Variants in WWOX observed in about 807,000 individuals in gnomAD.
The protein encoded by WWOX is WW domain containing oxidoreductase, also known as WW domain-containing oxidoreductase.
Under a neutral mutation model 46.2 loss-of-function variants are expected in WWOX, and 69 were observed. That is an observed-to-expected ratio of 1.49 (90% CI 1.23 to 1.82). The LOEUF (loss-of-function observed/expected upper bound fraction) is 1.82, where lower values mean the gene tolerates loss of function less well. WWOX is among the 40% of genes most tolerant of loss of function. The pLI, the probability that WWOX is intolerant of heterozygous loss-of-function variation, is 0.00. For missense variants in WWOX, 919 were observed against 542.6 expected (o/e 1.69, Z -6.89); for synonymous variants, 359 against 202.6 (o/e 1.77, Z -6.56).
chr16:78,864,924 G>T (rs1597078426), intron 8 of WWOX, among the ~76,000 whole-genome samples: 1 of 151,560 alleles, frequency 6.6e-6, no homozygotes, highest in African/African-American at 2.4e-5. Flanking sequence ...CACCACACCT[G>T]GCTAATTTTT....
intron 3 of WWOX, among the ~76,000 whole-genome samples, chr16:78,111,134 C>T (rs989537778): frequency 4.6e-5 from 7 of 152,004 alleles, no homozygotes; most frequent in African/African-American, 1.4e-4. Flanking sequence ...CCAGTGTGGT[C>T]TTCCTTCCCC....
intron 8 of WWOX, among the ~76,000 whole-genome samples, chr16:78,862,570 G>C (rs188935528): frequency 6.6e-6 from 1 of 152,082 alleles, no homozygotes; most frequent in East Asian, 1.9e-4. Flanking sequence ...TACAGAGACT[G>C]AGACATCGAA....
intron 8 of WWOX, among the ~76,000 whole-genome samples, chr16:78,527,991 C>CTTTTTTGTTTTTTTTTTTTT (rs2043519159): frequency 2.9e-5 from 1 of 34,880 alleles, no homozygotes; most frequent in Non-Finnish European, 5.3e-5. Flanking sequence ...GGTACATGTC[C>CTTTTTTGTTTTTTTTTTTTT]TTTTTTTTTT....
intron 8 of WWOX, among the ~76,000 whole-genome samples, chr16:79,120,326 C>T (rs1432771666): frequency 6.6e-6 from 1 of 152,142 alleles, no homozygotes; most frequent in South Asian, 2.1e-4. Flanking sequence ...TGCTGTCAGG[C>T]GCATTTACCC....
chr16:78,877,179 C>G (rs1353247681), intron 8 of WWOX, among the ~76,000 whole-genome samples: 1 of 152,132 alleles, frequency 6.6e-6, no homozygotes, highest in Non-Finnish European at 1.5e-5. Context: ...AAAAGTTATT[C>G]CTATTTCATC....
chr16:79,181,607 G>A (rs11860626), intron 8 of WWOX, among the ~76,000 whole-genome samples: 36,923 of 151,874 alleles, frequency 0.24, 5,782 homozygotes, highest in Non-Finnish European at 0.36. Context: ...TTGTACCAAA[G>A]TTTGCTTAAC....
At chr16:78,941,179 A>C (rs2045844289) in intron 8 of WWOX, among the ~76,000 whole-genome samples, 1 of 152,180 alleles carries the variant, frequency 6.6e-6, no homozygotes, top group Non-Finnish European at 1.5e-5. Flanking sequence ...ATGAATAGGA[A>C]ATATCCCAGT....
At chr16:78,227,397 A>G (rs992518217) in intron 5 of WWOX, among the ~76,000 whole-genome samples, 1 of 152,218 alleles carries the variant, frequency 6.6e-6, no homozygotes, top group South Asian at 2.1e-4. Flanking sequence ...ATTGGAACAC[A>G]TGGGGACCGA....
intron 8 of WWOX, among the ~76,000 whole-genome samples, chr16:78,762,063 G>A (rs1401745042): frequency 6.6e-6 from 1 of 152,314 alleles, no homozygotes; most frequent in South Asian, 2.1e-4. Flanking sequence ...TCAACTCTGT[G>A]CTGGCCTTTT....
intron 5 of WWOX, among the ~76,000 whole-genome samples, chr16:78,206,069 A>G (rs1567427373): frequency 6.6e-6 from 1 of 151,900 alleles, no homozygotes; most frequent in South Asian, 2.1e-4. Flanking sequence ...CGATTAATGG[A>G]AGAAGAGAAG....
intron 8 of WWOX, among the ~76,000 whole-genome samples, chr16:78,543,219 G>A (rs889850871): frequency 2.0e-5 from 3 of 152,180 alleles, no homozygotes; most frequent in African/African-American, 4.8e-5. Flanking sequence ...CAGTTAGGGC[G>A]AGTCACAACA....
At chr16:78,614,109 T>G (rs763139979) in intron 8 of WWOX, among the ~76,000 whole-genome samples, 3 of 152,210 alleles carry the variant, frequency 2.0e-5, no homozygotes, top group Non-Finnish European at 4.4e-5. Context: ...CACCTTGTAA[T>G]TAAGCACATG....
chr16:79,189,357 A>G (rs987019129), intron 8 of WWOX, among the ~76,000 whole-genome samples: 2 of 150,968 alleles, frequency 1.3e-5, no homozygotes, highest in Non-Finnish European at 2.9e-5. Context: ...TCCCAGGCTT[A>G]GGTGATCCTC....
chr16:78,695,097 C>T (rs1035033087), intron 8 of WWOX, among the ~76,000 whole-genome samples: 2 of 152,082 alleles, frequency 1.3e-5, no homozygotes, highest in African/African-American at 4.8e-5. Context: ...CTTTCATTTA[C>T]CATGTTACTA....
chr16:78,829,133 G>GGAC (rs1567589201), intron 8 of WWOX, among the ~76,000 whole-genome samples: 20 of 133,344 alleles, frequency 1.5e-4, no homozygotes, highest in Middle Eastern at 3.7e-3. Flanking sequence ...GATGGATGGA[G>GGAC]AGAGAGAGAG....
chr16:78,485,411 T>G (rs1041809416), intron 8 of WWOX, among the ~76,000 whole-genome samples: 1 of 152,118 alleles, frequency 6.6e-6, no homozygotes, highest in East Asian at 1.9e-4. Flanking sequence ...GTTGAAGATA[T>G]TTCAGACTCT....
chr16:78,734,396 T>C (rs569659626), intron 8 of WWOX, among the ~76,000 whole-genome samples: 1 of 152,318 alleles, frequency 6.6e-6, no homozygotes, highest in South Asian at 2.1e-4. Context: ...TTCCCTATGA[T>C]AGCCCTAATT....
intron 8 of WWOX, among the ~76,000 whole-genome samples, chr16:78,811,911 A>T (rs752083231): frequency 6.6e-6 from 1 of 152,210 alleles, no homozygotes; most frequent in South Asian, 2.1e-4. Context: ...ATAATAAGAT[A>T]TACCTGTTAG....
At chr16:78,934,164 T>A (rs1412238895) in intron 8 of WWOX, among the ~76,000 whole-genome samples, 1 of 151,216 alleles carries the variant, frequency 6.6e-6, no homozygotes, top group Non-Finnish European at 1.5e-5. Context: ...TGAAACCCCG[T>A]CTCTACTAAA....
Sources: allele counts gnomAD v4.1 joint callset (sites outside exome capture counted in the v4.1 genomes callset), GRCh38; gene constraint gnomAD v4.1.1; transcripts MANE v1.5; gene names NCBI Gene and HGNC (gene_info 2026-07-23, HGNC 2026-07-21).